KIF14: variants seen among roughly 807,000 people sequenced by gnomAD.
The protein encoded by KIF14 is kinesin family member 14, also known as kinesin-like protein KIF14.
A neutral mutation model predicts 176.2 loss-of-function variants in KIF14; 98 were observed. The ratio of observed to expected loss-of-function variants is 0.56; its 90% CI spans 0.47 to 0.66. The LOEUF (loss-of-function observed/expected upper bound fraction) is 0.66, where lower values mean the gene tolerates loss of function less well. Ranked by LOEUF, KIF14 falls within the 30% of genes least tolerant of loss-of-function variation. The pLI is 0.00. For synonymous variants in KIF14, 566 were observed against 632.2 expected (o/e 0.90, Z 1.57); for missense variants, 1,751 against 1,920.4 (o/e 0.91, Z 1.65).
intron 21 of KIF14, among the ~76,000 whole-genome samples, chr1:200,576,464 C>T (rs1290760645): frequency 7.7e-6 from 1 of 129,688 alleles, no homozygotes; most frequent in African/African-American, 3.1e-5. Flanking sequence ...GGCGACAGAG[C>T]GAGACTCCGT....
Position 200,575,646 on chromosome 1 carries a change from C to G in KIF14, c.3511G>C (p.Asp1171His), listed in dbSNP as rs1210421895. ...RGEDAFCDPE[D>H]EWEPDITDAP... Reference sequence around the variant, plus strand: ...TCTGTAATGTCGGGTTCCCATTCATCTTCAGGATCACAAAAGGCATCTTCA... The same window carrying G: ...TCTGTAATGTCGGGTTCCCATTCATGTTCAGGATCACAAAAGGCATCTTCA... Residue 1171 changes from aspartate (D) to histidine (H), a missense_variant, in exon 22 of 30, where the codon GAT becomes CAT. Coordinates refer to ENST00000367350, the MANE Select transcript of KIF14 (RefSeq NM_014875.3). 1 of 1,591,848 alleles carries G rather than the reference C, an allele frequency of 6.3e-7. No homozygotes were observed. Among genetic ancestry groups the G allele is most frequent in the African/African-American group, 1.3e-5 (1 of 74,638 alleles).
intron 21 of KIF14, 47 bp downstream of exon 21, chr1:200,580,207 C>CT: frequency 1.9e-6 from 2 of 1,057,200 alleles, no homozygotes; most frequent in Non-Finnish European, 2.5e-6. Context: ...AACTTTTATA[C>CT]TTTTTTATTT....
intron 27 of KIF14, among the ~76,000 whole-genome samples, chr1:200,556,982 GT>G (rs1170768722): frequency 2.6e-5 from 4 of 152,060 alleles, no homozygotes; most frequent in Non-Finnish European, 5.9e-5. Flanking sequence ...GTAACAATGT[GT>G]TTTTACTTTT....
At chr1:200,595,473 AG>A (rs1386132917) in intron 14 of KIF14, among the ~76,000 whole-genome samples, 16 of 152,224 alleles carry the variant, frequency 1.1e-4, no homozygotes, top group Admixed American at 9.2e-4. Flanking sequence ...GAAAAATGGA[AG>A]TAGAGAGTTA....
rs1479399107 is a variant in KIF14 at position 200,579,089 on chromosome 1, C to CA, written c.3465+1164dup. On this transcript the variant is annotated intron_variant, in intron 21 of 29. Coordinates refer to ENST00000367350, the MANE Select transcript of KIF14 (RefSeq NM_014875.3). ...TGGGCAACAGAGTGAGATTCCGTCT[C>CA]AAAAAAAACAAAAAGAAAATTCAAA... Among the ~76,000 whole-genome samples the CA allele has an allele frequency of 7.3e-5, 11 of 150,348 alleles. No homozygotes were observed. The East Asian group carries it at 1.8e-3, about 24-fold the overall frequency.
rs1021022967 is a variant in KIF14 at position 200,552,537 on chromosome 1, T to C, written c.*851A>G. 6 of 152,124 alleles carry C rather than the reference T, an allele frequency of 3.9e-5. No homozygotes were observed. The highest frequency in any genetic ancestry group is 5.9e-5 in the Non-Finnish European group (4 of 68,016). 9.4% of individuals were successfully genotyped at this position (152,124 alleles called of 1,614,324 possible). On this transcript the variant is annotated 3_prime_UTR_variant, in exon 30 of 30. Coordinates refer to ENST00000367350, the MANE Select transcript of KIF14 (RefSeq NM_014875.3). ...AATAATATTCATACAGCCCCCATTA[T>C]GAAACACAGATAACAGGGTAAACTA... is the stretch of plus-strand genomic sequence containing the variant.
chr1:200,601,113 C>A (rs948647778), intron 11 of KIF14, among the ~76,000 whole-genome samples: 2 of 152,156 alleles, frequency 1.3e-5, no homozygotes, highest in South Asian at 2.1e-4. Flanking sequence ...GAACTCCTGA[C>A]CTTAAGTAGT....
rs140705314 is a variant in KIF14 at position 200,598,259 on chromosome 1, C to A, written c.2527G>T (p.Val843Leu). The change falls in exon 14 of 30, where the codon GTG becomes TTG. Residue 843 changes from valine (V) to leucine (L), a missense_variant. Val to Leu is a conservative substitution (Grantham distance 32). Transcript: ENST00000367350. ...NSSHDIQLSG[V>L]LIADDHCTIK... The stretch of plus-strand genomic sequence containing the variant: ...TACCAATGATCATCAGCAATCAGCA[C>A]CCCAGATAACTGAATATCATGGCTT... 6.8e-6 allele frequency: 11 copies of A among 1,612,526 alleles called. No homozygotes were observed. Among genetic ancestry groups the A allele is most frequent in the Non-Finnish European group, 8.5e-6 (10 of 1,179,530 alleles).
intron 20 of KIF14, among the ~76,000 whole-genome samples, chr1:200,580,809 C>CT (rs1434545866): frequency 6.6e-6 from 1 of 152,176 alleles, no homozygotes; most frequent in Admixed American, 6.5e-5. Context: ...GTAGAATGGA[C>CT]TTTAGAGAAA....
At chr1:200,598,084 C>A (rs904903468) in intron 14 of KIF14, among the ~76,000 whole-genome samples, 153 bp downstream of exon 14, 19 of 152,108 alleles carry the variant, frequency 1.2e-4, no homozygotes, top group African/African-American at 4.6e-4. Context: ...ATCCTTATAA[C>A]ACACTCAGAA....
intron 21 of KIF14, among the ~76,000 whole-genome samples, chr1:200,577,457 C>T (rs1658183900): frequency 6.6e-6 from 1 of 152,102 alleles, no homozygotes; most frequent in African/African-American, 2.4e-5. Context: ...CGTGCCCAGC[C>T]CTGCTAACAT....
rs144368885 is a variant in KIF14 at position 200,588,442 on chromosome 1, T to C, written c.3114+775A>G. ...TTTTAGTAGAGACAGGGTTTCACTA[T>C]GTTGGCCAGGATGGCATCGATCTCT... On this transcript the variant is annotated intron_variant, in intron 18 of 29. Transcript: ENST00000367350. 8.8e-3 allele frequency among the ~76,000 whole-genome samples: 1,340 copies of C among 152,118 alleles called. 20 individuals carry two copies. The highest frequency in any genetic ancestry group is 0.029 in the African/African-American group (1,223 of 41,496).
rs60386347 is a variant in KIF14 at position 200,596,561 on chromosome 1, C to CTTT, written c.2549+1673_2549+1675dup. 2.3e-3 allele frequency among the ~76,000 whole-genome samples: 239 copies of CTTT among 102,630 alleles called. 2 individuals carry two copies. Among genetic ancestry groups the CTTT allele is most frequent in the Middle Eastern group, 0.011 (2 of 180 alleles). 67.3% of individuals were successfully genotyped at this position (102,630 alleles called of 152,430 possible). ...CTCTATGACCTCAATGTACAACAGTCTTTTTTTTTTTTTTTTTTTTTGAGT... is the reference window on the plus strand; with the variant it reads ...CTCTATGACCTCAATGTACAACAGTCTTTTTTTTTTTTTTTTTTTTTTTTGAGT... On this transcript the variant is annotated intron_variant, in intron 14 of 29. Transcript: ENST00000367350.
chr1:200,575,700 A>T lies in KIF14; in HGVS notation c.3466-9T>A, dbSNP rs182631558. Reference sequence around the variant, plus strand: ...CTGTTACTACCATTACTCTAAGAAAAATATAATATATAGTTTCAGTAAATT... The same window carrying T: ...CTGTTACTACCATTACTCTAAGAAATATATAATATATAGTTTCAGTAAATT... On this transcript the variant is annotated splice_polypyrimidine_tract_variant and intron_variant, in intron 21 of 29. Coordinates refer to ENST00000367350, the MANE Select transcript of KIF14 (RefSeq NM_014875.3). The T allele has an allele frequency of 2.3e-5, 33 of 1,436,892 alleles. No individual in the cohort carries two copies. In the Admixed American group the frequency reaches 6.0e-4, roughly 26 times the overall value. 89.0% of individuals were successfully genotyped at this position (1,436,892 alleles called of 1,614,324 possible). A position where few individuals can be genotyped will look rare whatever the true frequency, so the allele number is the denominator to read the frequency against.
At position 200,608,932 on chromosome 1, in the gene KIF14, G is replaced by A. The variant is rs770332372; in HGVS notation, c.1456-4C>T. ...TCATTTCAATGTGATAGCTGACCTAGTAGGAATAGAAACACAGCATATAAT... is the reference window on the plus strand; with the variant it reads ...TCATTTCAATGTGATAGCTGACCTAATAGGAATAGAAACACAGCATATAAT... On this transcript the variant is annotated splice_polypyrimidine_tract_variant and splice_region_variant and intron_variant, in intron 4 of 29. Coordinates refer to ENST00000367350, the MANE Select transcript of KIF14 (RefSeq NM_014875.3). 3.9e-6 allele frequency: 6 copies of A among 1,527,710 alleles called. No homozygotes were observed. Among genetic ancestry groups the A allele is most frequent in the Admixed American group, 3.4e-5 (2 of 59,388 alleles). 94.6% of individuals were successfully genotyped at this position (1,527,710 alleles called of 1,614,324 possible).
intron 1 of KIF14, among the ~76,000 whole-genome samples, chr1:200,619,052 G>A (rs1372432218): frequency 2.6e-5 from 4 of 152,190 alleles, no homozygotes; most frequent in Non-Finnish European, 4.4e-5. Flanking sequence ...TTCCATTAGT[G>A]CCAGGCCCTC....
rs143956793 is a variant in KIF14, at chr1:200,610,857, A to C, written c.1456-1929T>G. On this transcript the variant is annotated intron_variant, in intron 4 of 29. Coordinates refer to ENST00000367350, the MANE Select transcript of KIF14 (RefSeq NM_014875.3). ...AGGAGTAAATAGAATGTGAGGCATG[A>C]GAGACAGAGTAGATTGAACCAGAAA... Among the ~76,000 whole-genome samples, 79 of 152,310 alleles carry C rather than the reference A, an allele frequency of 5.2e-4. No homozygotes were observed. In the East Asian group the frequency reaches 0.014, roughly 27 times the overall value.
chr1:200,605,853 A>G lies in KIF14; in HGVS notation c.1638+11T>C. ...TTCTATCTAGTGAAAAGAAAACAAA[A>G]TCAATCTTACCTGGATATCAGCGTA... is the stretch of plus-strand genomic sequence containing the variant. On this transcript the variant is annotated intron_variant, in intron 7 of 29. Transcript: ENST00000367350. 6.7e-7 allele frequency: 1 copy of G among 1,499,194 alleles called. No individual in the cohort carries two copies. Among genetic ancestry groups the G allele is most frequent in the Non-Finnish European group, 9.0e-7 (1 of 1,113,560 alleles). 92.9% of individuals were successfully genotyped at this position (1,499,194 alleles called of 1,614,324 possible). A position where few individuals can be genotyped will look rare whatever the true frequency, so the allele number is the denominator to read the frequency against.
chr1:200,568,787 G>A (rs2102604810), intron 23 of KIF14, among the ~76,000 whole-genome samples: 1 of 152,144 alleles, frequency 6.6e-6, no homozygotes, highest in South Asian at 2.1e-4. Context: ...AAGGAATCAT[G>A]TAGTATATAT....
Sources: allele counts gnomAD v4.1 joint callset (sites outside exome capture counted in the v4.1 genomes callset), GRCh38; gene constraint gnomAD v4.1.1; transcripts MANE v1.5; gene names NCBI Gene and HGNC (gene_info 2026-07-23, HGNC 2026-07-21).